CNTN4: variants seen among roughly 807,000 people sequenced by gnomAD.
The protein encoded by CNTN4 is contactin-4.
A neutral mutation model predicts 122.5 loss-of-function variants in CNTN4; 77 were observed. The observed-to-expected ratio is 0.63, with a 90% CI of 0.52 to 0.76. CNTN4 has a LOEUF of 0.76. Among genes scored for constraint, CNTN4 ranks in the 30% least tolerant of loss-of-function variants. The pLI, the probability that CNTN4 is intolerant of heterozygous loss-of-function variation, is 0.00. For missense variants in CNTN4, 1,256 were observed against 1,259.1 expected (o/e 1.00, Z 0.04); for synonymous variants, 512 against 447.0 (o/e 1.15, Z -1.83).
intron 7 of CNTN4, among the ~76,000 whole-genome samples, chr3:2,821,432 C>T (rs1228732578): frequency 1.3e-5 from 2 of 152,322 alleles, no homozygotes; most frequent in East Asian, 3.9e-4. Flanking sequence ...AGACAAAAGG[C>T]AATGATTTGT....
chr3:2,949,118 A>C (rs535701481), intron 13 of CNTN4, among the ~76,000 whole-genome samples: 2 of 152,192 alleles, frequency 1.3e-5, no homozygotes, highest in East Asian at 3.9e-4. Context: ...AGTGACATCT[A>C]GCTCTTTTTT....
intron 7 of CNTN4, among the ~76,000 whole-genome samples, chr3:2,853,107 C>G (rs944300316): frequency 2.7e-4 from 41 of 150,924 alleles, no homozygotes; most frequent in African/African-American, 8.8e-4. Flanking sequence ...AAATAAGTCT[C>G]TAAGGAGAAA....
rs201308257 is a variant in CNTN4, at chr3:3,038,537, T to TAA, written c.2093-395_2093-394dup. Among the ~76,000 whole-genome samples the TAA allele has an allele frequency of 1.1e-3, 173 of 152,306 alleles. 2 individuals carry two copies. In the East Asian group the frequency reaches 0.016, roughly 14 times the overall value. On this transcript the variant is annotated intron_variant, in intron 18 of 24. Transcript: ENST00000418658. ...GCGCTCCTCCACTCCAACCAGCTTG[T>TAA]AAGCTCTGCCTGGGCAGAGCTTGTA...
At chr3:2,464,488 A>G (rs1006068840) in intron 3 of CNTN4, among the ~76,000 whole-genome samples, 1 of 152,228 alleles carries the variant, frequency 6.6e-6, no homozygotes, top group South Asian at 2.1e-4. Flanking sequence ...GGTATTGTGC[A>G]TAGTAGTGGG....
chr3:2,862,911 T>A (rs1475383255), intron 7 of CNTN4, among the ~76,000 whole-genome samples: 1 of 152,170 alleles, frequency 6.6e-6, no homozygotes, highest in Non-Finnish European at 1.5e-5. Context: ...AGATCTTGGT[T>A]TCAAATATGA....
intron 3 of CNTN4, among the ~76,000 whole-genome samples, chr3:2,421,894 C>T (rs1238812617): frequency 2.0e-5 from 3 of 152,032 alleles, no homozygotes; most frequent in Non-Finnish European, 2.9e-5. Context: ...ATTTGCTCAA[C>T]AACACACAAG....
chr3:3,017,689 T>C (rs9863698), intron 14 of CNTN4, among the ~76,000 whole-genome samples: 33,438 of 152,146 alleles, frequency 0.22, 3,946 homozygotes, highest in African/African-American at 0.29. Context: ...AAGTGCAAAC[T>C]GCACATTTTT....
At chr3:2,719,339 A>T (rs1018621059) in intron 4 of CNTN4, among the ~76,000 whole-genome samples, 2 of 150,154 alleles carry the variant, frequency 1.3e-5, no homozygotes. Flanking sequence ...TCTGTCGCCC[A>T]GGCTGGAATG....
intron 13 of CNTN4, among the ~76,000 whole-genome samples, chr3:2,948,933 C>T (rs1350493544): frequency 6.6e-6 from 1 of 151,988 alleles, no homozygotes; most frequent in African/African-American, 2.4e-5. Flanking sequence ...TTGTTTTGCT[C>T]AAAAATAGAC....
chr3:3,004,202 A>G (rs1170535504), intron 14 of CNTN4, among the ~76,000 whole-genome samples: 3 of 152,164 alleles, frequency 2.0e-5, no homozygotes, highest in African/African-American at 4.8e-5. Flanking sequence ...AATGAAGCAA[A>G]TTCATCAGCT....
chr3:2,976,759 A>C (rs1308756121), intron 13 of CNTN4, among the ~76,000 whole-genome samples: 1 of 152,194 alleles, frequency 6.6e-6, no homozygotes, highest in African/African-American at 2.4e-5. Flanking sequence ...ATTTCCACGT[A>C]TCTTTTGAAA....
chr3:2,704,100 C>T (rs1406457533), intron 4 of CNTN4, among the ~76,000 whole-genome samples: 1 of 151,502 alleles, frequency 6.6e-6, no homozygotes, highest in African/African-American at 2.4e-5. Flanking sequence ...AGTTCAAGAT[C>T]AGCCTGGGCA....
intron 4 of CNTN4, among the ~76,000 whole-genome samples, chr3:2,614,780 A>T (rs2081643255): frequency 6.6e-6 from 1 of 152,060 alleles, no homozygotes; most frequent in Admixed American, 6.6e-5. Context: ...TGCCAGATAA[A>T]CAGTTGGATA....
At chr3:2,304,206 T>G (rs1371815627) in intron 2 of CNTN4, among the ~76,000 whole-genome samples, 2 of 152,152 alleles carry the variant, frequency 1.3e-5, no homozygotes, top group African/African-American at 4.8e-5. Flanking sequence ...TATTTTCTTT[T>G]CAAGTTTAGA....
chr3:2,922,406 A>T (rs1412334693), intron 12 of CNTN4, among the ~76,000 whole-genome samples: 1 of 152,130 alleles, frequency 6.6e-6, no homozygotes, highest in Non-Finnish European at 1.5e-5. Context: ...CAAGCTGAAC[A>T]GCATCTCTGG....
At position 2,370,771 on chromosome 3, in the gene CNTN4, G is replaced by A. The variant is rs796238863; in HGVS notation, c.-89+31538G>A. 2.8e-4 allele frequency among the ~76,000 whole-genome samples: 43 copies of A among 152,150 alleles called. 2 individuals carry two copies. Among genetic ancestry groups the A allele is most frequent in the African/African-American group, 1.0e-3 (42 of 41,490 alleles). On this transcript the variant is annotated intron_variant, in intron 3 of 24. Coordinates refer to ENST00000418658, the MANE Select transcript of CNTN4 (RefSeq NM_175607.3). ...ATCCAAAAAATGATATAATTTTAGA[G>A]ATTTATCCCAATTTCTATCAACCAG...
chr3:2,184,632 G>T (rs75362260), intron 2 of CNTN4, among the ~76,000 whole-genome samples: 1 of 152,116 alleles, frequency 6.6e-6, no homozygotes, highest in African/African-American at 2.4e-5. Flanking sequence ...AGGGCCCTTA[G>T]GAGGTGATAA....
chr3:2,225,291 G>T (rs992223739), intron 2 of CNTN4, among the ~76,000 whole-genome samples: 1 of 151,656 alleles, frequency 6.6e-6, no homozygotes, highest in African/African-American at 2.4e-5. Flanking sequence ...GAGGCGGGTG[G>T]ATCACGAGGT....
In CNTN4 at chr3:2,713,118, C is replaced by T. The variant is rs1044104303; in HGVS notation, c.56-23097C>T. ...CAGTCAGGCAGAAGTTCCAGAGGCC[C>T]AAATTTGCAACTGATATCTGAAGTG... On this transcript the variant is annotated intron_variant, in intron 4 of 24. Coordinates refer to ENST00000418658, the MANE Select transcript of CNTN4 (RefSeq NM_175607.3). Among the ~76,000 whole-genome samples, 4 of 152,144 alleles carry T rather than the reference C, an allele frequency of 2.6e-5. No individual in the cohort carries two copies. In the East Asian group the frequency reaches 7.7e-4, roughly 29 times the overall value.
Sources: gnomAD v4.1 joint callset for allele counts (sites outside exome capture counted in the v4.1 genomes callset) on GRCh38, gnomAD v4.1.1 for gene constraint, MANE v1.5 for transcripts, NCBI Gene and HGNC (gene_info 2026-07-23, HGNC 2026-07-21) for gene names.